Variants in PTBP3 observed in about 807,000 individuals in gnomAD.
PTBP3 encodes polypyrimidine tract binding protein 3.
Under a neutral mutation model 58.7 loss-of-function variants are expected in PTBP3, and 20 were observed. That is an observed-to-expected ratio of 0.34 (90% CI 0.24 to 0.50). The LOEUF (loss-of-function observed/expected upper bound fraction) is 0.50. PTBP3 is among the 20% of genes least tolerant of loss of function. PTBP3 has a pLI of 0.98. For synonymous variants in PTBP3, 185 were observed against 219.8 expected (o/e 0.84, Z 1.40); for missense variants, 509 against 637.2 (o/e 0.80, Z 2.17).
intron 2 of PTBP3, among the ~76,000 whole-genome samples, chr9:112,279,934 TTAA>T (rs1373515848): frequency 1.3e-5 from 2 of 152,244 alleles, no homozygotes; most frequent in African/African-American, 4.8e-5. Flanking sequence ...TTTGTCATAA[TTAA>T]TAATTGATAA....
At chr9:112,365,777 T>C in the PTBP3 span, among the ~76,000 whole-genome samples, 2 of 152,148 alleles carry the variant, frequency 1.3e-5, no homozygotes, top group African/African-American at 4.8e-5. Context: ...TTGAATAGTT[T>C]TGATCAAAAT....
chr9:112,333,910 T>C (rs1830501017), upstream of PTBP3, among the ~76,000 whole-genome samples: 1 of 145,706 alleles, frequency 6.9e-6, no homozygotes, highest in South Asian at 2.2e-4. Flanking sequence ...GCGCGCGCCT[T>C]GTGCTTCCCG....
intron 12 of PTBP3, among the ~76,000 whole-genome samples, chr9:112,226,863 T>G (rs552725983): frequency 2.4e-4 from 36 of 152,242 alleles, no homozygotes; most frequent in Non-Finnish European, 4.3e-4. Context: ...AAAACAGCCA[T>G]AGGCTACAGG....
chr9:112,346,437 G>A, the PTBP3 span, among the ~76,000 whole-genome samples: 1 of 152,198 alleles, frequency 6.6e-6, no homozygotes, highest in African/African-American at 2.4e-5. Context: ...AAGGTGCTGG[G>A]ATTACAGGCA....
At chr9:112,235,602 A>G (rs79623909) in intron 7 of PTBP3, among the ~76,000 whole-genome samples, 1 of 152,320 alleles carries the variant, frequency 6.6e-6, no homozygotes, top group East Asian at 1.9e-4. Context: ...GGGAACATCA[A>G]ATTTAAGATG....
At chr9:112,366,640 C>T in the PTBP3 span, among the ~76,000 whole-genome samples, 1 of 152,184 alleles carries the variant, frequency 6.6e-6, no homozygotes, top group Non-Finnish European at 1.5e-5. Flanking sequence ...CGTAGAAATG[C>T]TTGGATGCCC....
chr9:112,376,251 A>AGT, the PTBP3 span, among the ~76,000 whole-genome samples: 8 of 22,368 alleles, frequency 3.6e-4, no homozygotes, highest in Non-Finnish European at 5.4e-4. Context: ...GAGTTTATTA[A>AGT]GTTTTTTTTT....
In PTBP3 at chr9:112,306,690, A is replaced by G. The variant is rs543533044; in HGVS notation, c.-51-8774T>C. 3.3e-5 allele frequency among the ~76,000 whole-genome samples: 5 copies of G among 151,652 alleles called. No homozygotes were observed. The South Asian group carries it at 1.0e-3, about 32-fold the overall frequency. ...GCAGTGCAGTGGCGCTACTGGGTTC[A>G]CTGCAACCTCTGCTTCCTGGGTTCA... On this transcript the variant is annotated intron_variant, in intron 1 of 13. Coordinates refer to ENST00000374257, the MANE Select transcript of PTBP3 (RefSeq NM_001163788.4).
chr9:112,261,160 C>T (rs1466372874), intron 5 of PTBP3, among the ~76,000 whole-genome samples: 1 of 152,156 alleles, frequency 6.6e-6, no homozygotes, highest in Non-Finnish European at 1.5e-5. Context: ...ACAATGAAAC[C>T]AATCACTTAA....
chr9:112,365,165 TA>T, the PTBP3 span, among the ~76,000 whole-genome samples: 3 of 76,348 alleles, frequency 3.9e-5, no homozygotes, highest in Non-Finnish European at 9.7e-5. Context: ...TCTATCTATC[TA>T]TCTATGTATC....
intron 1 of PTBP3, among the ~76,000 whole-genome samples, chr9:112,312,091 A>C (rs1829505102): frequency 6.6e-6 from 1 of 152,222 alleles, no homozygotes; most frequent in South Asian, 2.1e-4. Flanking sequence ...TAGGTAATAC[A>C]CTCAAATATT....
the PTBP3 span, among the ~76,000 whole-genome samples, chr9:112,371,375 C>T: frequency 6.6e-6 from 1 of 152,204 alleles, no homozygotes; most frequent in Non-Finnish European, 1.5e-5. Flanking sequence ...GTCTTGTTTT[C>T]TCAATACTGG....
chr9:112,360,562 G>GAAATTTT, the PTBP3 span, among the ~76,000 whole-genome samples: 1 of 152,170 alleles, frequency 6.6e-6, no homozygotes, highest in Non-Finnish European at 1.5e-5. Flanking sequence ...TTTAAGAGAT[G>GAAATTTT]TGGGACTCTC....
At chr9:112,341,384 G>A in the PTBP3 span, among the ~76,000 whole-genome samples, 4 of 151,930 alleles carry the variant, frequency 2.6e-5, no homozygotes, top group African/African-American at 4.8e-5. Context: ...CGCCTGCCTC[G>A]GCCTCTTGAA....
At chr9:112,328,364 C>A (rs916526840) in intron 1 of PTBP3, among the ~76,000 whole-genome samples, 6 of 152,220 alleles carry the variant, frequency 3.9e-5, no homozygotes, top group African/African-American at 1.4e-4. Context: ...ATTCCCAGAT[C>A]TAAGCCTATA....
intron 6 of PTBP3, among the ~76,000 whole-genome samples, chr9:112,251,667 C>A (rs767821966): frequency 6.6e-6 from 1 of 151,982 alleles, no homozygotes; most frequent in Non-Finnish European, 1.5e-5. Context: ...TCAGTTGTAA[C>A]CAAAGATTAG....
chr9:112,366,313 C>G, the PTBP3 span, among the ~76,000 whole-genome samples: 29,695 of 151,594 alleles, frequency 0.2, 3,811 homozygotes, highest in Non-Finnish European at 0.29. Flanking sequence ...TAATGAGGAG[C>G]TGAATGGTAA....
At chr9:112,303,646 A>ACT (rs1428484507) in intron 1 of PTBP3, among the ~76,000 whole-genome samples, 1 of 151,460 alleles carries the variant, frequency 6.6e-6, no homozygotes, top group African/African-American at 2.4e-5. Flanking sequence ...CGGGCAGATC[A>ACT]TGAGGTCAGG....
rs761023463 is a variant in PTBP3 at position 112,252,705 on chromosome 9, G to A, written c.600C>T (p.Asp200=). The stretch of plus-strand genomic sequence containing the variant: ...TTTTGGCATAATGTGCATTTACTGG[G>A]TCAGCATACTGAAGCAAGGCTTGAA... ...NQFQALLQYA[D]PVNAHYAKMA... The change falls in exon 6 of 14, where the codon GAC becomes GAT. Residue 200 remains aspartate, a synonymous_variant. Coordinates refer to ENST00000374257, the MANE Select transcript of PTBP3 (RefSeq NM_001163788.4). 6.2e-7 allele frequency: 1 copy of A among 1,609,900 alleles called. No homozygotes were observed. The highest frequency in any genetic ancestry group is 8.5e-7 in the Non-Finnish European group (1 of 1,176,654).
Sources: allele counts gnomAD v4.1 joint callset (sites outside exome capture counted in the v4.1 genomes callset), GRCh38; gene constraint gnomAD v4.1.1; transcripts MANE v1.5; gene names NCBI Gene and HGNC (gene_info 2026-07-23, HGNC 2026-07-21).